FREM2: variants seen among roughly 807,000 people sequenced by gnomAD.
The protein encoded by FREM2 is FRAS1-related extracellular matrix protein 2.
A neutral mutation model predicts 219.9 loss-of-function variants in FREM2; 119 were observed. That is an observed-to-expected ratio of 0.54 (90% CI 0.47 to 0.63). FREM2 has a LOEUF of 0.63. Among genes scored for constraint, FREM2 ranks in the 30% least tolerant of loss-of-function variants. The pLI, the probability that FREM2 is intolerant of heterozygous loss-of-function variation, is 0.00. For synonymous variants in FREM2, 1,562 were observed against 1,522.8 expected, an observed-to-expected ratio of 1.03 and a Z score of -0.60; for missense variants, 4,030 against 3,993.6, an observed-to-expected ratio of 1.01 and a Z score of -0.25.
intron 22 of FREM2, 95 bp downstream of exon 22, chr13:38,878,416 C>CT: frequency 1.5e-6 from 1 of 651,676 alleles, no homozygotes; most frequent in Non-Finnish European, 2.6e-6. Flanking sequence ...ACAGTGGCCA[C>CT]ACTATAGTCC....
intron 6 of FREM2, among the ~76,000 whole-genome samples, chr13:38,811,458 G>T (rs1290173289): frequency 6.6e-6 from 1 of 151,758 alleles, no homozygotes; most frequent in African/African-American, 2.4e-5. Context: ...TTCCCTTTTA[G>T]TACTGCTTTG....
chr13:38,836,340 T>G (rs1876705198), intron 6 of FREM2, among the ~76,000 whole-genome samples: 1 of 152,206 alleles, frequency 6.6e-6, no homozygotes, highest in Non-Finnish European at 1.5e-5. Context: ...TGGATTCGGT[T>G]TGCCAGTATT....
intron 6 of FREM2, among the ~76,000 whole-genome samples, chr13:38,791,101 C>T (rs1239445767): frequency 1.3e-5 from 2 of 152,132 alleles, no homozygotes; most frequent in East Asian, 1.9e-4. Context: ...TTGCTAGTGA[C>T]TGAGATTCAA....
At chr13:38,843,440 C>CAAAAA (rs35771970) in intron 6 of FREM2, among the ~76,000 whole-genome samples, 39 of 140,406 alleles carry the variant, frequency 2.8e-4, no homozygotes, top group African/African-American at 8.1e-4. Flanking sequence ...GTTTCTAGGC[C>CAAAAA]AAAAAAAAAA....
chr13:38,691,523 A>G lies in FREM2; in HGVS notation c.4179A>G (p.Leu1393=). 6.2e-7 allele frequency: 1 copy of G among 1,614,150 alleles called. No individual in the cohort carries two copies. The highest frequency in any genetic ancestry group is 8.5e-7 in the Non-Finnish European group (1 of 1,180,028). ...VHLGQEGIRD[L]IKFDVTDGIN... The stretch of plus-strand genomic sequence containing the variant: ...TGGGGCAAGAGGGCATTCGGGACCT[A>G]ATTAAATTTGATGTGACTGATGGAA... Residue 1393 remains leucine, a synonymous_variant, in exon 1 of 24, where the codon CTA becomes CTG. Transcript: ENST00000280481.
intron 4 of FREM2, among the ~76,000 whole-genome samples, chr13:38,772,807 C>A (rs1028532860): frequency 2.0e-5 from 3 of 151,856 alleles, no homozygotes; most frequent in African/African-American, 7.3e-5. Flanking sequence ...AGCAATTCTC[C>A]TGTCTCATCC....
Position 38,876,065 on chromosome 13 carries a change from C to T in FREM2, c.8325C>T (p.Gly2775=). ...SSVIMSADHP[G]LTFSLRLIRS... ...TGATCATGTCAGCTGATCATCCAGG[C>T]CTGACATTTTCCCTCCGCCTCATAA... Residue 2775 remains glycine (G), a synonymous_variant, in exon 19 of 24, where the codon GGC becomes GGT. Transcript: ENST00000280481. 6.2e-7 allele frequency: 1 copy of T among 1,613,688 alleles called. No homozygotes were observed. Among genetic ancestry groups the T allele is most frequent in the Non-Finnish European group, 8.5e-7 (1 of 1,179,610 alleles).
intron 2 of FREM2, among the ~76,000 whole-genome samples, chr13:38,740,510 C>T (rs1872199870): frequency 6.6e-6 from 1 of 152,142 alleles, no homozygotes; most frequent in Admixed American, 6.5e-5. Flanking sequence ...GATCATGTTG[C>T]TCTCTCTCTT....
chr13:38,851,065 T>C lies in FREM2; in HGVS notation c.6699T>C (p.Gly2233=), dbSNP rs746982675. Residue 2233 remains glycine, a synonymous_variant, in exon 10 of 24, where the codon GGT becomes GGC. Coordinates refer to ENST00000280481, the MANE Select transcript of FREM2 (RefSeq NM_207361.6). ...QSNSPFGAAV[G]EQNETLIRIR... ...ACTCTCCCTTTGGGGCTGCAGTTGG[T>C]GAACAAAATGAAACTCTCATAAGGA... The C allele has an allele frequency of 6.2e-7, 1 of 1,613,984 alleles. No individual in the cohort carries two copies. The highest frequency in any genetic ancestry group is 1.1e-5 in the South Asian group (1 of 91,066).
intron 2 of FREM2, among the ~76,000 whole-genome samples, chr13:38,707,557 T>C (rs1385380683): frequency 6.6e-6 from 1 of 152,176 alleles, no homozygotes; most frequent in Non-Finnish European, 1.5e-5. Flanking sequence ...TGCTGGATTT[T>C]TTAGCACAGG....
rs533899756 is a variant in FREM2, at chr13:38,803,154, C to T, written c.6019+18346C>T. ...CTCCTTATAACTTTGTAACTCAGGG[C>T]AAATCTGAAATTTTACATGTGAATT... On this transcript the variant is annotated intron_variant, in intron 6 of 23. Coordinates refer to ENST00000280481, the MANE Select transcript of FREM2 (RefSeq NM_207361.6). Among the ~76,000 whole-genome samples, 5 of 152,280 alleles carry T rather than the reference C, an allele frequency of 3.3e-5. No individual in the cohort carries two copies. The South Asian group carries it at 1.0e-3, about 32-fold the overall frequency.
intron 6 of FREM2, among the ~76,000 whole-genome samples, chr13:38,820,904 A>G (rs1359840668): frequency 6.6e-6 from 1 of 152,172 alleles, no homozygotes; most frequent in African/African-American, 2.4e-5. Context: ...TGTTGAAAAC[A>G]TGTACCTCCA....
rs374441645 is a variant in FREM2 at position 38,760,421 on chromosome 13, A to G, written c.5264-3883A>G. Among the ~76,000 whole-genome samples, 19 of 152,318 alleles carry G rather than the reference A, an allele frequency of 1.2e-4. No individual in the cohort carries two copies. In the East Asian group the frequency reaches 1.4e-3, roughly 11 times the overall value. On this transcript the variant is annotated intron_variant, in intron 2 of 23. Transcript: ENST00000280481. The stretch of plus-strand genomic sequence containing the variant: ...ACAAACCTGAAAATAATTTTTACAG[A>G]TATATAAGTAGAGATGAAATTAGGT...
At chr13:38,839,565 C>T (rs4943612) in intron 6 of FREM2, among the ~76,000 whole-genome samples, 21,538 of 152,190 alleles carry the variant, frequency 0.14, 1,766 homozygotes, top group Admixed American at 0.24. Flanking sequence ...TGCCCACAGT[C>T]GCCCCTTCCC....
At chr13:38,828,565 G>T (rs538965168) in intron 6 of FREM2, among the ~76,000 whole-genome samples, 1 of 151,892 alleles carries the variant, frequency 6.6e-6, no homozygotes, top group Non-Finnish European at 1.5e-5. Context: ...AGTAAAATTA[G>T]CCTGGTATGG....
intron 6 of FREM2, among the ~76,000 whole-genome samples, chr13:38,837,211 A>T (rs368350615): frequency 2.0e-5 from 3 of 152,304 alleles, no homozygotes; most frequent in African/African-American, 7.2e-5. Flanking sequence ...CAGTAGTCAT[A>T]CAAGAGCAGG....
chr13:38,836,050 G>C (rs181393389), intron 6 of FREM2, among the ~76,000 whole-genome samples: 137 of 152,216 alleles, frequency 9.0e-4, no homozygotes, highest in African/African-American at 3.0e-3. Flanking sequence ...TCCAGCTTTT[G>C]CCCATTTGTG....
At chr13:38,711,467 G>A (rs924162293) in intron 2 of FREM2, among the ~76,000 whole-genome samples, 2 of 152,094 alleles carry the variant, frequency 1.3e-5, no homozygotes, top group African/African-American at 4.8e-5. Context: ...TGCTATCTTA[G>A]GAGCCTGTGT....
In FREM2 at chr13:38,850,991, T is replaced by A; in HGVS notation, c.6625T>A (p.Tyr2209Asn). 6.2e-7 allele frequency: 1 copy of A among 1,613,620 alleles called. No individual in the cohort carries two copies. Among genetic ancestry groups the A allele is most frequent in the South Asian group, 1.1e-5 (1 of 91,052 alleles). Residue 2209 changes from tyrosine to asparagine, a missense_variant, in exon 10 of 24, where the codon TAT becomes AAT. Around this residue, in one of 2 missense-constraint regions of FREM2, gnomAD observed 3,102 missense variants for 2,950.7 expected, o/e 1.05. Transcript: ENST00000280481. ...CILELMDDVL[Y>N]EEVEELRLVL... is the part of the protein sequence containing the mutation. ...TCTTGAGCTGATGGACGATGTGCTC[T>A]ATGAGGAGGTAGAGGAGCTCCGCCT...
Sources: allele counts gnomAD v4.1 joint callset (sites outside exome capture counted in the v4.1 genomes callset), GRCh38; gene constraint gnomAD v4.1.1; regional missense constraint gnomAD v4.1.1; transcripts MANE v1.5; gene names NCBI Gene and HGNC (gene_info 2026-07-23, HGNC 2026-07-21).